Variants in NEGR1 observed in about 807,000 individuals in gnomAD.
The protein encoded by NEGR1 is IgLON family member 4.
A neutral mutation model predicts 40.9 loss-of-function variants in NEGR1; 10 were observed. The ratio of observed to expected loss-of-function variants is 0.24; its 90% CI spans 0.15 to 0.42. NEGR1 has a LOEUF of 0.42. NEGR1 is among the 10% of genes least tolerant of loss of function. The pLI, the probability that NEGR1 is intolerant of heterozygous loss-of-function variation, is 1.00. For missense variants in NEGR1, 352 were observed against 438.9 expected, an observed-to-expected ratio of 0.80 and a Z score of 1.77; for synonymous variants, 185 against 166.8, an observed-to-expected ratio of 1.11 and a Z score of -0.84.
intron 2 of NEGR1, among the ~76,000 whole-genome samples, chr1:71,777,992 G>A (rs1656569965): frequency 6.6e-6 from 1 of 151,526 alleles, no homozygotes; most frequent in Admixed American, 6.6e-5. Context: ...AACTAAAACA[G>A]AACAAAAATA....
intron 4 of NEGR1, among the ~76,000 whole-genome samples, chr1:71,638,901 C>G (rs1465289174): frequency 6.6e-6 from 1 of 151,700 alleles, no homozygotes; most frequent in Non-Finnish European, 1.5e-5. Context: ...AACACAGTGT[C>G]TTAGTACTGA....
chr1:71,574,130 T>C (rs1648888050), intron 6 of NEGR1, among the ~76,000 whole-genome samples: 1 of 152,220 alleles, frequency 6.6e-6, no homozygotes, highest in Non-Finnish European at 1.5e-5. Flanking sequence ...TACTGGCTTC[T>C]GGAAAATACT....
intron 6 of NEGR1, among the ~76,000 whole-genome samples, chr1:71,555,726 T>C (rs1648232551): frequency 6.6e-6 from 1 of 151,616 alleles, no homozygotes; most frequent in Non-Finnish European, 1.5e-5. Flanking sequence ...TAAGACTGTA[T>C]GTATTCCCTC....
At chr1:71,781,822 T>G (rs1168896687) in intron 2 of NEGR1, among the ~76,000 whole-genome samples, 1 of 152,176 alleles carries the variant, frequency 6.6e-6, no homozygotes, top group Non-Finnish European at 1.5e-5. Flanking sequence ...AATTATGAGA[T>G]CTATTCTCCA....
intron 2 of NEGR1, among the ~76,000 whole-genome samples, chr1:71,884,007 T>C (rs1660655811): frequency 6.6e-6 from 1 of 152,058 alleles, no homozygotes; most frequent in Admixed American, 6.6e-5. Context: ...TTTACTTTCC[T>C]AGATATTATG....
At chr1:71,866,346 T>C (rs1427071385) in intron 2 of NEGR1, among the ~76,000 whole-genome samples, 1 of 152,200 alleles carries the variant, frequency 6.6e-6, no homozygotes, top group Non-Finnish European at 1.5e-5. Flanking sequence ...TTTGACATAA[T>C]GTTCCATAAC....
At chr1:72,056,243 C>T (rs994266253) in intron 1 of NEGR1, among the ~76,000 whole-genome samples, 2 of 151,134 alleles carry the variant, frequency 1.3e-5, no homozygotes, top group Non-Finnish European at 3.0e-5. Context: ...CTTGGTGTGT[C>T]TCACCCAGTT....
intron 1 of NEGR1, among the ~76,000 whole-genome samples, chr1:71,961,956 G>T (rs183450405): frequency 2.0e-5 from 3 of 151,998 alleles, no homozygotes; most frequent in South Asian, 2.1e-4. Context: ...TTTTTGTAAG[G>T]CTTAATGAAA....
At chr1:72,012,826 C>T (rs1646669556) in intron 1 of NEGR1, among the ~76,000 whole-genome samples, 1 of 140,942 alleles carries the variant, frequency 7.1e-6, no homozygotes, top group African/African-American at 2.5e-5. Context: ...TACACACACA[C>T]ACACATATAT....
intron 1 of NEGR1, among the ~76,000 whole-genome samples, chr1:72,041,815 T>C (rs1646957183): frequency 6.8e-6 from 1 of 146,850 alleles, no homozygotes; most frequent in African/African-American, 2.5e-5. Flanking sequence ...TATGTAATAT[T>C]TAAAATATAC....
intron 1 of NEGR1, among the ~76,000 whole-genome samples, chr1:71,971,334 T>G (rs749148724): frequency 3.3e-5 from 5 of 152,210 alleles, no homozygotes; most frequent in Non-Finnish European, 5.9e-5. Context: ...GGTCCATGCT[T>G]TGTTATGACA....
chr1:71,774,021 A>G (rs1051159359), intron 3 of NEGR1, among the ~76,000 whole-genome samples: 2 of 152,212 alleles, frequency 1.3e-5, no homozygotes, highest in South Asian at 4.1e-4. Flanking sequence ...AAATTATATT[A>G]CCATATCAGA....
intron 5 of NEGR1, among the ~76,000 whole-genome samples, chr1:71,608,101 A>G (rs1395919699): frequency 6.6e-6 from 1 of 152,178 alleles, no homozygotes; most frequent in African/African-American, 2.4e-5. Flanking sequence ...CTCCCTGCAT[A>G]TGCTCAACTT....
chr1:72,252,396 G>A (rs1488455190), intron 1 of NEGR1, among the ~76,000 whole-genome samples: 1 of 152,014 alleles, frequency 6.6e-6, no homozygotes, highest in East Asian at 1.9e-4. Context: ...GTTTATTCAA[G>A]AAATAATATT....
chr1:71,779,610 C>T (rs1445110361), intron 2 of NEGR1, among the ~76,000 whole-genome samples: 2 of 151,810 alleles, frequency 1.3e-5, no homozygotes, highest in Admixed American at 6.6e-5. Flanking sequence ...CTCTGTCTCC[C>T]AGGCTGGAGT....
chr1:72,092,054 A>G (rs1253752734), intron 1 of NEGR1, among the ~76,000 whole-genome samples: 6 of 152,190 alleles, frequency 3.9e-5, no homozygotes, highest in Non-Finnish European at 8.8e-5. Context: ...TTGGGAAGAC[A>G]CAAACATTCA....
intron 6 of NEGR1, among the ~76,000 whole-genome samples, chr1:71,409,346 G>T (rs999335433): frequency 2.0e-5 from 3 of 151,664 alleles, no homozygotes; most frequent in African/African-American, 7.3e-5. Context: ...TAATGGTAAA[G>T]GACCAAAAAT....
In NEGR1 at chr1:71,789,105, TTCCAGG is replaced by T. The variant is rs1446921613; in HGVS notation, c.410-12814_410-12809del. 1.2e-4 allele frequency among the ~76,000 whole-genome samples: 18 copies of T among 152,224 alleles called. No individual in the cohort carries two copies. The East Asian group carries it at 2.5e-3, about 21-fold the overall frequency. ...GTAGCCGTCTAAATAGACAAATGTG[TTCCAGG>T]TCGAGTTATACACATATGGAGGCTG... On this transcript the variant is annotated intron_variant, in intron 2 of 6. Coordinates refer to ENST00000357731, the MANE Select transcript of NEGR1 (RefSeq NM_173808.3).
In NEGR1 at chr1:72,043,602, G is replaced by T. The variant is rs560874368; in HGVS notation, c.177-108291C>A. The stretch of plus-strand genomic sequence containing the variant: ...AAAAGAACACTGCATTCTCTAAAAT[G>T]AACTGTATATTCCATAATGAAAAGC... On this transcript the variant is annotated intron_variant, in intron 1 of 6. Transcript: ENST00000357731. 3.9e-5 allele frequency among the ~76,000 whole-genome samples: 6 copies of T among 151,932 alleles called. No individual in the cohort carries two copies. In the East Asian group the frequency reaches 1.2e-3, roughly 30 times the overall value.
Sources: allele counts gnomAD v4.1 joint callset (sites outside exome capture counted in the v4.1 genomes callset), GRCh38; gene constraint gnomAD v4.1.1; transcripts MANE v1.5; gene names NCBI Gene and HGNC (gene_info 2026-07-23, HGNC 2026-07-21).